PCDHA3: variants seen among roughly 807,000 people sequenced by gnomAD.
The protein encoded by PCDHA3 is protocadherin alpha 3.
Under a neutral mutation model 62.2 loss-of-function variants are expected in PCDHA3, and 41 were observed. That is an observed-to-expected ratio of 0.66 (90% CI 0.51 to 0.86). The LOEUF (loss-of-function observed/expected upper bound fraction) is 0.86, where lower values mean the gene tolerates loss of function less well. PCDHA3 is among the 40% of genes least tolerant of loss of function. The pLI is 0.00. For missense variants in PCDHA3, 1,304 were observed against 1,241.2 expected (o/e 1.05, Z -0.76); for synonymous variants, 640 against 555.4 (o/e 1.15, Z -2.14).
intron 1 of PCDHA3, chr5:140,807,132 T>A: frequency 1.3e-6 from 2 of 1,559,298 alleles, no homozygotes; most frequent in Non-Finnish European, 1.7e-6. Context: ...GATTAAAAGA[T>A]TTCCCTTGAC....
intron 1 of PCDHA3, among the ~76,000 whole-genome samples, chr5:140,880,869 G>C (rs1017640769): frequency 6.6e-6 from 1 of 152,064 alleles, no homozygotes. Context: ...TATGTGAAGA[G>C]GTAAATAAAG....
At chr5:140,829,650 T>C (rs2150172095) in intron 1 of PCDHA3, 3 of 1,612,396 alleles carry the variant, frequency 1.9e-6, no homozygotes, top group Non-Finnish European at 1.7e-6. Context: ...GTGTACGCGC[T>C]GCAGCCGCTG....
chr5:140,938,734 AT>A (rs1207782725), intron 1 of PCDHA3, among the ~76,000 whole-genome samples: 1 of 152,136 alleles, frequency 6.6e-6, no homozygotes, highest in Admixed American at 6.5e-5. Flanking sequence ...ACAGAAAAAA[AT>A]AATTATTTTT....
At chr5:140,944,354 A>G (rs2093646021) in intron 1 of PCDHA3, among the ~76,000 whole-genome samples, 1 of 151,968 alleles carries the variant, frequency 6.6e-6, no homozygotes, top group South Asian at 2.1e-4. Flanking sequence ...CACCTGGCTA[A>G]TTTTTAATTT....
chr5:140,869,204 C>G (rs199956165), intron 1 of PCDHA3: 29 of 1,613,960 alleles, frequency 1.8e-5, no homozygotes, highest in Non-Finnish European at 2.4e-5. Flanking sequence ...CTCCACTACT[C>G]CGTCTCGGAG....
Position 140,835,992 on chromosome 5 carries a change from G to A in PCDHA3, c.2394+32401G>A, listed in dbSNP as rs2150249786. 2.2e-5 allele frequency: 35 copies of A among 1,613,332 alleles called. No homozygotes were observed. The African/African-American group carries it at 4.4e-4, about 20-fold the overall frequency. ...GGAGCTGTTGCAGTTCCAGGTGAGC[G>A]CGCGCGATGCGGGCGTGCCGCCTCT... On this transcript the variant is annotated intron_variant, in intron 1 of 3. Transcript: ENST00000522353.
chr5:140,862,618 C>A (rs532330556), intron 1 of PCDHA3: 10 of 526,556 alleles, frequency 1.9e-5, no homozygotes, highest in South Asian at 1.3e-4. Flanking sequence ...AGGTAACAAC[C>A]CGCGGGGCTG....
chr5:140,845,639 C>T (rs1007088730), intron 1 of PCDHA3, among the ~76,000 whole-genome samples: 1 of 149,600 alleles, frequency 6.7e-6, no homozygotes, highest in East Asian at 1.9e-4. Context: ...AAATCAAGTC[C>T]TCCCTTTACC....
At chr5:140,858,061 C>A (rs1554151115) in intron 1 of PCDHA3, 1 of 1,597,498 alleles carries the variant, frequency 6.3e-7, no homozygotes, top group South Asian at 1.1e-5. Context: ...TTGTGGAGGG[C>A]AGCCAGGCAC....
At chr5:140,984,643 C>G (rs1300632981) in intron 3 of PCDHA3, among the ~76,000 whole-genome samples, 3 of 152,152 alleles carry the variant, frequency 2.0e-5, no homozygotes, top group Non-Finnish European at 4.4e-5. Context: ...TCTGCCTTCT[C>G]CCTGTCCTTC....
chr5:140,827,449 C>A (rs1404981658), intron 1 of PCDHA3, among the ~76,000 whole-genome samples: 4 of 152,146 alleles, frequency 2.6e-5, no homozygotes, highest in African/African-American at 9.7e-5. Flanking sequence ...CACAGAAGAA[C>A]CTTAAGAGCA....
At position 140,856,636 on chromosome 5, in the gene PCDHA3, G is replaced by A. The variant is rs368149411; in HGVS notation, c.2394+53045G>A. 231 of 1,598,104 alleles carry A rather than the reference G, an allele frequency of 1.4e-4. 24 individuals are homozygous for A. The highest frequency in any genetic ancestry group is 1.6e-4 in the Non-Finnish European group (182 of 1,167,716). The stretch of plus-strand genomic sequence containing the variant: ...ACAAATTCCCAGTGCTTGTTCTGCG[G>A]AAGCTGCTGGATCGTGAAGAAAATC... On this transcript the variant is annotated intron_variant, in intron 1 of 3. Coordinates refer to ENST00000522353, the MANE Select transcript of PCDHA3 (RefSeq NM_018906.3).
At position 140,826,671 on chromosome 5, in the gene PCDHA3, C is replaced by T. The variant is rs1040298871; in HGVS notation, c.2394+23080C>T. On this transcript the variant is annotated intron_variant, in intron 1 of 3. Coordinates refer to ENST00000522353, the MANE Select transcript of PCDHA3 (RefSeq NM_018906.3). ...AACATTTTTGCAAGTAAATTGTAGA[C>T]GTAATTAAAAAAACCCAGCTAAAAC... 1.1e-4 allele frequency among the ~76,000 whole-genome samples: 17 copies of T among 151,838 alleles called. No individual in the cohort carries two copies. In the East Asian group the frequency reaches 2.1e-3, roughly 19 times the overall value.
chr5:141,009,019 C>G (rs1160022658), intron 3 of PCDHA3, among the ~76,000 whole-genome samples: 2 of 152,232 alleles, frequency 1.3e-5, no homozygotes, highest in African/African-American at 4.8e-5. Flanking sequence ...CCTTTAGGCT[C>G]TGTATTTCCC....
intron 1 of PCDHA3, chr5:140,867,940 ACTT>A (rs2050206930): frequency 6.6e-6 from 1 of 152,110 alleles, no homozygotes; most frequent in African/African-American, 2.4e-5. Flanking sequence ...TTTTCCATGA[ACTT>A]CTGCTCCCAA....
In PCDHA3 at chr5:140,843,411, A is replaced by G. The variant is rs2150359358; in HGVS notation, c.2394+39820A>G. On this transcript the variant is annotated intron_variant, in intron 1 of 3. Transcript: ENST00000522353. The stretch of plus-strand genomic sequence containing the variant: ...CCGGAAGCGGCGCTGGTGGATGTCA[A>G]CGTGTACCTGATCATCGCCATCTGC... 2.5e-5 allele frequency: 40 copies of G among 1,596,006 alleles called. 6 individuals carry two copies. The highest frequency in any genetic ancestry group is 1.1e-4 in the African/African-American group (8 of 74,534).
chr5:140,884,183 G>A (rs201206731), intron 1 of PCDHA3: 1 of 1,613,424 alleles, frequency 6.2e-7, no homozygotes, highest in Non-Finnish European at 8.5e-7. Flanking sequence ...CCCTCTGGAC[G>A]AGGTGGACGC....
chr5:140,927,260 T>G, intron 1 of PCDHA3: 2 of 1,614,070 alleles, frequency 1.2e-6, no homozygotes, highest in Non-Finnish European at 1.7e-6. Flanking sequence ...AACTCACCTC[T>G]CTTTCCTGCC....
chr5:140,842,582 T>A, intron 1 of PCDHA3: 1 of 1,520,542 alleles, frequency 6.6e-7, no homozygotes, highest in Non-Finnish European at 8.9e-7. Context: ...AGTGTCGGCC[T>A]ATGAGTTGGT....
Sources: gnomAD v4.1 joint callset for allele counts (sites outside exome capture counted in the v4.1 genomes callset) on GRCh38, gnomAD v4.1.1 for gene constraint, MANE v1.5 for transcripts, NCBI Gene and HGNC (gene_info 2026-07-23, HGNC 2026-07-21) for gene names.